Variants in GLRA3 observed in about 807,000 individuals in gnomAD.
GLRA3 encodes the protein glycine receptor alpha 3.
In GLRA3, 44 loss-of-function variants were observed where a neutral mutation model predicts 60.4. The observed-to-expected ratio is 0.73, with a 90% CI of 0.57 to 0.94. The LOEUF is 0.94. Ranked by LOEUF, GLRA3 falls within the 40% of genes least tolerant of loss-of-function variation. The pLI, the probability that GLRA3 is intolerant of heterozygous loss-of-function variation, is 0.00. For missense variants in GLRA3, 508 were observed against 564.6 expected (o/e 0.90, Z 1.02); for synonymous variants, 223 against 192.9 (o/e 1.16, Z -1.29).
At chr4:174,697,638 T>A (rs1735111489) in intron 5 of GLRA3, among the ~76,000 whole-genome samples, 1 of 152,218 alleles carries the variant, frequency 6.6e-6, no homozygotes, top group African/African-American at 2.4e-5. Flanking sequence ...AGCTGACCTA[T>A]CACCATTATC....
chr4:174,692,001 G>C (rs1399055989), intron 5 of GLRA3, among the ~76,000 whole-genome samples: 1 of 151,310 alleles, frequency 6.6e-6, no homozygotes, highest in Non-Finnish European at 1.5e-5. Flanking sequence ...CCTCTGCCCC[G>C]CCGCCCCGTC....
intron 4 of GLRA3, among the ~76,000 whole-genome samples, chr4:174,727,985 T>C (rs1009217275): frequency 6.6e-6 from 1 of 152,120 alleles, no homozygotes; most frequent in Non-Finnish European, 1.5e-5. Context: ...TTAGAAAGGA[T>C]GAAACTTGAA....
At chr4:174,778,730 G>A (rs919562498) in intron 2 of GLRA3, among the ~76,000 whole-genome samples, 2 of 152,110 alleles carry the variant, frequency 1.3e-5, no homozygotes, top group African/African-American at 4.8e-5. Context: ...TGGAAAATCG[G>A]GTCACTCCCA....
chr4:174,782,866 T>C (rs999202166), intron 2 of GLRA3, among the ~76,000 whole-genome samples: 80 of 151,956 alleles, frequency 5.3e-4, no homozygotes, highest in Non-Finnish European at 9.6e-4. Flanking sequence ...GTAGGAAGAA[T>C]CAATATCCTG....
chr4:174,828,831 G>A lies in GLRA3; in HGVS notation c.-20C>T, dbSNP rs1741087468. On this transcript the variant is annotated 5_prime_UTR_variant, in exon 1 of 10. Transcript: ENST00000274093. ...GGCCATGATACGGAGAGATATTCAC[G>A]ATCCTGAAAATAGTCTTATCCAAGG... The A allele has an allele frequency of 6.4e-7, 1 of 1,552,734 alleles. No individual in the cohort carries two copies. The highest frequency in any genetic ancestry group is 8.9e-7 in the Non-Finnish European group (1 of 1,124,128).
At chr4:174,785,969 G>A (rs1739115485) in intron 2 of GLRA3, among the ~76,000 whole-genome samples, 1 of 138,450 alleles carries the variant, frequency 7.2e-6, no homozygotes, top group Non-Finnish European at 1.5e-5. Context: ...TGGATAGATG[G>A]GTGTCTCAGA....
chr4:174,824,491 C>T (rs1157825399), intron 1 of GLRA3, among the ~76,000 whole-genome samples: 2 of 152,124 alleles, frequency 1.3e-5, no homozygotes, highest in Non-Finnish European at 2.9e-5. Flanking sequence ...TAGCCATATT[C>T]CATCGTGAAG....
chr4:174,778,967 C>G (rs1738743633), intron 2 of GLRA3, among the ~76,000 whole-genome samples: 1 of 152,236 alleles, frequency 6.6e-6, no homozygotes, highest in Non-Finnish European at 1.5e-5. Context: ...GTGGAGCCCA[C>G]CACAGCTCAA....
At chr4:174,686,105 G>C (rs1405031753) in intron 5 of GLRA3, among the ~76,000 whole-genome samples, 1 of 151,976 alleles carries the variant, frequency 6.6e-6, no homozygotes, top group East Asian at 1.9e-4. Flanking sequence ...ACTTCACTAT[G>C]GTTCAAAAAA....
rs1014653955 is a variant in GLRA3 at position 174,729,508 on chromosome 4, C to T, written c.268-810G>A. Among the ~76,000 whole-genome samples the T allele has an allele frequency of 3.9e-5, 6 of 152,118 alleles. No homozygotes were observed. In the South Asian group the frequency reaches 6.2e-4, roughly 16 times the overall value. The stretch of plus-strand genomic sequence containing the variant: ...CAAGAAGATTTGGCTAAAGAGATTT[C>T]CCAATTAGATCTTTCATAGTTAATT... On this transcript the variant is annotated intron_variant, in intron 3 of 9. Coordinates refer to ENST00000274093, the MANE Select transcript of GLRA3 (RefSeq NM_006529.4).
chr4:174,675,811 A>G (rs991210901), intron 7 of GLRA3, among the ~76,000 whole-genome samples: 1 of 152,160 alleles, frequency 6.6e-6, no homozygotes, highest in African/African-American at 2.4e-5. Flanking sequence ...GAGCATGTTA[A>G]TATCATATTT....
intron 5 of GLRA3, among the ~76,000 whole-genome samples, chr4:174,692,241 C>G: frequency 6.7e-6 from 1 of 150,324 alleles, no homozygotes; most frequent in Admixed American, 6.6e-5. Flanking sequence ...CCCCGCCAGG[C>G]CAGCCGCCCC....
chr4:174,661,042 C>T (rs115292112), intron 7 of GLRA3, among the ~76,000 whole-genome samples: 278 of 152,272 alleles, frequency 1.8e-3, no homozygotes, highest in South Asian at 3.7e-3. Context: ...TCAGCCCTTT[C>T]TCTCAGGAAC....
chr4:174,748,323 C>T (rs1262292357), intron 3 of GLRA3, among the ~76,000 whole-genome samples: 2 of 152,084 alleles, frequency 1.3e-5, no homozygotes, highest in South Asian at 2.1e-4. Flanking sequence ...TTATTGAATA[C>T]TTTGGAAATA....
At chr4:174,695,558 T>G (rs948651041) in intron 5 of GLRA3, among the ~76,000 whole-genome samples, 2 of 152,130 alleles carry the variant, frequency 1.3e-5, no homozygotes, top group African/African-American at 4.8e-5. Flanking sequence ...TTAAAAACTC[T>G]CAATAAACTA....
intron 5 of GLRA3, among the ~76,000 whole-genome samples, chr4:174,691,090 C>T (rs1411699717): frequency 6.6e-6 from 1 of 152,140 alleles, no homozygotes; most frequent in Non-Finnish European, 1.5e-5. Context: ...TCAGGAATGG[C>T]CATACTGCTT....
chr4:174,813,935 C>T (rs138438749), intron 1 of GLRA3, among the ~76,000 whole-genome samples: 1 of 152,140 alleles, frequency 6.6e-6, no homozygotes. Flanking sequence ...AGCTCGTTTA[C>T]TCAGCCCACA....
intron 3 of GLRA3, among the ~76,000 whole-genome samples, chr4:174,742,622 A>C (rs1285152458): frequency 6.6e-6 from 1 of 152,142 alleles, no homozygotes. Flanking sequence ...TTTGAGAGTA[A>C]AAAGAAGATA....
intron 3 of GLRA3, among the ~76,000 whole-genome samples, chr4:174,739,016 T>G (rs146186367): frequency 2.6e-5 from 4 of 152,344 alleles, no homozygotes; most frequent in African/African-American, 9.6e-5. Context: ...AAAGGCTCAG[T>G]AAAGCCCTGC....
Sources: allele counts gnomAD v4.1 joint callset (sites outside exome capture counted in the v4.1 genomes callset), GRCh38; gene constraint gnomAD v4.1.1; transcripts MANE v1.5; gene names NCBI Gene and HGNC (gene_info 2026-07-23, HGNC 2026-07-21).